Variants in LHFPL3 observed in about 807,000 individuals in gnomAD.
LHFPL3 encodes LHFPL tetraspan subfamily member 3 protein.
Under a neutral mutation model 19.3 loss-of-function variants are expected in LHFPL3, and 5 were observed. The observed-to-expected ratio is 0.26, with a 90% CI of 0.14 to 0.54. The LOEUF (loss-of-function observed/expected upper bound fraction) is 0.54. Among genes scored for constraint, LHFPL3 ranks in the 20% least tolerant of loss-of-function variants. The pLI, the probability that LHFPL3 is intolerant of heterozygous loss-of-function variation, is 0.94. For missense variants in LHFPL3, 249 were observed against 307.4 expected (o/e 0.81, Z 1.42); for synonymous variants, 133 against 126.2 (o/e 1.05, Z -0.36).
intron 1 of LHFPL3, among the ~76,000 whole-genome samples, chr7:104,665,414 G>T (rs948195721): frequency 3.9e-5 from 6 of 152,184 alleles, no homozygotes; most frequent in Non-Finnish European, 7.3e-5. Flanking sequence ...GGTTCTAATT[G>T]TAATAGTCCA....
At chr7:104,762,900 G>A (rs959257751) in intron 2 of LHFPL3, among the ~76,000 whole-genome samples, 1 of 152,168 alleles carries the variant, frequency 6.6e-6, no homozygotes, top group African/African-American at 2.4e-5. Context: ...ATGGACAGAG[G>A]AGTCTGCATG....
At chr7:104,432,027 G>C (rs1466946505) in intron 1 of LHFPL3, among the ~76,000 whole-genome samples, 1 of 152,128 alleles carries the variant, frequency 6.6e-6, no homozygotes, top group Non-Finnish European at 1.5e-5. Flanking sequence ...CATACCACAG[G>C]AACAAGGCTG....
chr7:104,835,456 G>T, intron 2 of LHFPL3, among the ~76,000 whole-genome samples: 1 of 139,740 alleles, frequency 7.2e-6, no homozygotes, highest in Non-Finnish European at 1.6e-5. Flanking sequence ...ATCCTGGAGT[G>T]GCAGTCACTC....
chr7:104,350,139 A>G (rs1377802655), intron 1 of LHFPL3, among the ~76,000 whole-genome samples: 1 of 152,212 alleles, frequency 6.6e-6, no homozygotes, highest in Non-Finnish European at 1.5e-5. Flanking sequence ...ACTATCCAGT[A>G]TAGTAGCCTG....
chr7:104,540,704 C>A (rs1427244336), intron 1 of LHFPL3, among the ~76,000 whole-genome samples: 1 of 152,130 alleles, frequency 6.6e-6, no homozygotes, highest in East Asian at 1.9e-4. Flanking sequence ...ATCACAATGA[C>A]CCTGAGAGTT....
intron 2 of LHFPL3, among the ~76,000 whole-genome samples, chr7:104,858,224 A>G (rs1318249422): frequency 6.6e-6 from 1 of 152,068 alleles, no homozygotes; most frequent in Admixed American, 6.5e-5. Flanking sequence ...TCACCTTTCA[A>G]TCTTTGGTGC....
intron 2 of LHFPL3, among the ~76,000 whole-genome samples, chr7:104,865,961 T>C (rs1206195451): frequency 2.6e-5 from 4 of 152,184 alleles, no homozygotes; most frequent in Non-Finnish European, 4.4e-5. Context: ...CAGAATTTCA[T>C]ATCCAGCCAA....
chr7:104,507,049 A>G (rs1793713249), intron 1 of LHFPL3, among the ~76,000 whole-genome samples: 1 of 152,190 alleles, frequency 6.6e-6, no homozygotes, highest in Admixed American at 6.5e-5. Flanking sequence ...CTATTTATAC[A>G]TTGCATTAAA....
intron 2 of LHFPL3, among the ~76,000 whole-genome samples, chr7:104,815,641 C>T (rs536812312): frequency 7.2e-5 from 11 of 152,292 alleles, no homozygotes; most frequent in Non-Finnish European, 1.5e-4. Context: ...TTTTCTCCTC[C>T]GTTCAGAGGT....
intron 1 of LHFPL3, among the ~76,000 whole-genome samples, chr7:104,603,311 T>A (rs182151521): frequency 3.0e-4 from 46 of 152,032 alleles, no homozygotes; most frequent in African/African-American, 9.7e-4. Context: ...TCCTCCCACC[T>A]GAACCTTCTA....
In LHFPL3 at chr7:104,736,898, G is replaced by A; in HGVS notation, c.669G>A (p.Lys223=). ...ACAGCTTGATGGCAGAGGAACTGAA[G>A]GCAGAAAACAAAGGTAAGATTGCTT... ...RQDSLMAEEL[K]AENKVLLSQY... is the part of the protein sequence containing the mutation. The change falls in exon 2 of 3, where the codon AAG becomes AAA. Residue 223 remains lysine, a synonymous_variant. Coordinates refer to ENST00000424859, the MANE Select transcript of LHFPL3 (RefSeq NM_199000.3). The A allele has an allele frequency of 6.2e-7, 1 of 1,602,186 alleles. No homozygotes were observed. Among genetic ancestry groups the A allele is most frequent in the East Asian group, 2.2e-5 (1 of 44,562 alleles).
chr7:104,468,954 C>A (rs144690104), intron 1 of LHFPL3, among the ~76,000 whole-genome samples: 2 of 152,126 alleles, frequency 1.3e-5, no homozygotes, highest in African/African-American at 4.8e-5. Context: ...CCACAATGCA[C>A]GGCCTTGTGC....
chr7:104,606,236 A>G (rs943300279), intron 1 of LHFPL3, among the ~76,000 whole-genome samples: 3 of 152,206 alleles, frequency 2.0e-5, no homozygotes, highest in African/African-American at 4.8e-5. Flanking sequence ...ATCATCATGC[A>G]CCTTTATTGA....
At chr7:104,541,329 G>A (rs1258868784) in intron 1 of LHFPL3, among the ~76,000 whole-genome samples, 2 of 152,050 alleles carry the variant, frequency 1.3e-5, no homozygotes, top group Non-Finnish European at 2.9e-5. Context: ...AATAACTTGG[G>A]GTCAAGGACA....
intron 2 of LHFPL3, among the ~76,000 whole-genome samples, chr7:104,739,640 T>G (rs1031527076): frequency 2.6e-5 from 4 of 152,228 alleles, no homozygotes; most frequent in African/African-American, 9.6e-5. Context: ...TAAGTTTTTT[T>G]CTGATAAAAC....
Position 104,841,301 on chromosome 7 carries a change from G to GACTATA in LHFPL3, c.683-64886_683-64885insACTATA, listed in dbSNP as rs372627161. ...GAGGTTTTTCATGAGACATGACTAT[G>GACTATA]TAGCTAAGACAGAACCTTCCTCAGT... On this transcript the variant is annotated intron_variant, in intron 2 of 2. Transcript: ENST00000424859. Among the ~76,000 whole-genome samples the GACTATA allele has an allele frequency of 1.6e-3, 240 of 152,286 alleles. 2 individuals carry two copies. Among genetic ancestry groups the GACTATA allele is most frequent in the African/African-American group, 5.6e-3 (234 of 41,572 alleles).
intron 1 of LHFPL3, among the ~76,000 whole-genome samples, chr7:104,711,925 G>A (rs557218969): frequency 4.6e-5 from 7 of 152,198 alleles, no homozygotes; most frequent in African/African-American, 1.4e-4. Flanking sequence ...GCATAACAAC[G>A]TACTACTATG....
chr7:104,823,384 A>G (rs1790715445), intron 2 of LHFPL3, among the ~76,000 whole-genome samples: 1 of 152,166 alleles, frequency 6.6e-6, no homozygotes, highest in South Asian at 2.1e-4. Flanking sequence ...GGGCTGGACC[A>G]GGTGATCTCT....
chr7:104,849,574 T>C (rs1386809046), intron 2 of LHFPL3, among the ~76,000 whole-genome samples: 1 of 152,224 alleles, frequency 6.6e-6, no homozygotes, highest in Non-Finnish European at 1.5e-5. Context: ...TTATTTAACA[T>C]GTATACCTGG....
Sources: gnomAD v4.1 joint callset for allele counts (sites outside exome capture counted in the v4.1 genomes callset) on GRCh38, gnomAD v4.1.1 for gene constraint, MANE v1.5 for transcripts, NCBI Gene and HGNC (gene_info 2026-07-23, HGNC 2026-07-21) for gene names.